Variants in KCNJ3 observed in about 807,000 individuals in gnomAD.
KCNJ3 encodes potassium inwardly rectifying channel subfamily J member 3.
A neutral mutation model predicts 39.2 loss-of-function variants in KCNJ3; 4 were observed. The ratio of observed to expected loss-of-function variants is 0.10; its 90% CI spans 0.05 to 0.23. The LOEUF is 0.23. Ranked by LOEUF, KCNJ3 falls within the 10% of genes least tolerant of loss-of-function variation. The pLI is 1.00. For missense variants in KCNJ3, 276 were observed against 634.9 expected (o/e 0.43, Z 6.08); for synonymous variants, 230 against 237.4 (o/e 0.97, Z 0.29).
chr2:154,708,892 T>C (rs1685057634), intron 1 of KCNJ3, among the ~76,000 whole-genome samples: 1 of 152,154 alleles, frequency 6.6e-6, no homozygotes, highest in Admixed American at 6.6e-5. Flanking sequence ...TTAAAGAAAG[T>C]TCAGTTTAGT....
chr2:154,801,482 TTTC>T (rs1686815795), intron 2 of KCNJ3, among the ~76,000 whole-genome samples: 1 of 44,696 alleles, frequency 2.2e-5, no homozygotes, highest in African/African-American at 5.2e-5. Flanking sequence ...CCCTCCCTCC[TTTC>T]TTTTCTTTTC....
intron 2 of KCNJ3, among the ~76,000 whole-genome samples, chr2:154,714,324 A>G (rs553502281): frequency 2.0e-5 from 3 of 151,594 alleles, no homozygotes; most frequent in Admixed American, 6.6e-5. Context: ...CAGACACATT[A>G]CATTTTCCCC....
At chr2:154,754,482 C>T (rs1351129651) in intron 2 of KCNJ3, among the ~76,000 whole-genome samples, 1 of 152,172 alleles carries the variant, frequency 6.6e-6, no homozygotes, top group Non-Finnish European at 1.5e-5. Context: ...ACTGTGTTGG[C>T]CAGGCTGGTC....
chr2:154,843,369 A>G (rs977225764), intron 2 of KCNJ3, among the ~76,000 whole-genome samples: 3 of 151,982 alleles, frequency 2.0e-5, no homozygotes, highest in Non-Finnish European at 4.4e-5. Flanking sequence ...TGCCCTTAAC[A>G]CTTTTTCCTT....
At chr2:154,773,103 C>A (rs1686270996) in intron 2 of KCNJ3, among the ~76,000 whole-genome samples, 1 of 151,864 alleles carries the variant, frequency 6.6e-6, no homozygotes, top group African/African-American at 2.4e-5. Flanking sequence ...AAAAAGAAAC[C>A]TTTGGTGAAA....
chr2:154,831,653 A>C (rs761785548), intron 2 of KCNJ3, among the ~76,000 whole-genome samples: 7 of 152,174 alleles, frequency 4.6e-5, no homozygotes, highest in Admixed American at 4.6e-4. Context: ...TTCTGCTCTC[A>C]GTGTTCATAA....
chr2:154,844,781 G>A (rs1245175253), intron 2 of KCNJ3, among the ~76,000 whole-genome samples: 2 of 152,318 alleles, frequency 1.3e-5, no homozygotes, highest in South Asian at 4.1e-4. Flanking sequence ...TACCTTGTCT[G>A]CTGGTTGCTA....
intron 2 of KCNJ3, among the ~76,000 whole-genome samples, chr2:154,788,075 A>G (rs982037471): frequency 1.3e-5 from 2 of 152,152 alleles, no homozygotes; most frequent in African/African-American, 4.8e-5. Context: ...AAAATGCATG[A>G]AAACTGAGCT....
In KCNJ3 at chr2:154,699,605, G is replaced by GGGGGGTT; in HGVS notation, c.702+138_702+144dup. On this transcript the variant is annotated intron_variant, in intron 1 of 2. Coordinates refer to ENST00000295101, the MANE Select transcript of KCNJ3 (RefSeq NM_002239.4). The surrounding 1 kb of genome is among the most constrained non-coding windows in gnomAD (Gnocchi z 6.4). ...TATAGCCACAGGTAAACTTCCTTTT[G>GGGGGGTT]GGGGGTTGGGGGTTGGAGGACTGGG... The GGGGGGTT allele has an allele frequency of 7.2e-7, 1 of 1,389,582 alleles. No individual in the cohort carries two copies. The allele number at this position is 1,389,582 out of a possible 1,614,324, so 86.1% of individuals were successfully genotyped here.
intron 2 of KCNJ3, among the ~76,000 whole-genome samples, chr2:154,780,006 A>G (rs1686406829): frequency 6.6e-6 from 1 of 152,206 alleles, no homozygotes; most frequent in Non-Finnish European, 1.5e-5. Flanking sequence ...AAGGACATAC[A>G]TTCAAGAGTA....
chr2:154,734,526 A>G (rs924430991), intron 2 of KCNJ3, among the ~76,000 whole-genome samples: 3 of 152,208 alleles, frequency 2.0e-5, no homozygotes, highest in African/African-American at 7.2e-5. Context: ...CAAAGACCCT[A>G]TATGTGTCCT....
intron 2 of KCNJ3, among the ~76,000 whole-genome samples, chr2:154,739,530 CCTT>C (rs1685608589): frequency 6.6e-6 from 1 of 152,076 alleles, no homozygotes; most frequent in African/African-American, 2.4e-5. Flanking sequence ...GACCATCCAT[CCTT>C]CTTCACCTTC....
chr2:154,751,500 T>C (rs899341322), intron 2 of KCNJ3, among the ~76,000 whole-genome samples: 3 of 152,092 alleles, frequency 2.0e-5, no homozygotes, highest in Non-Finnish European at 4.4e-5. Context: ...TCCTATATGA[T>C]CTGCATCCAT....
intron 1 of KCNJ3, among the ~76,000 whole-genome samples, chr2:154,701,494 A>G (rs1684896112): frequency 6.6e-6 from 1 of 152,088 alleles, no homozygotes; most frequent in South Asian, 2.1e-4. Context: ...TTTTCTTCAT[A>G]CAAAGGTACA....
intron 2 of KCNJ3, among the ~76,000 whole-genome samples, chr2:154,822,055 C>T (rs562696297): frequency 6.6e-6 from 1 of 152,164 alleles, no homozygotes; most frequent in South Asian, 2.1e-4. Context: ...TGTTACTGTT[C>T]ACTACCTATA....
intron 2 of KCNJ3, among the ~76,000 whole-genome samples, chr2:154,771,154 G>T (rs1257513624): frequency 6.6e-6 from 1 of 152,072 alleles, no homozygotes; most frequent in Non-Finnish European, 1.5e-5. Flanking sequence ...GCCTCCCAGA[G>T]TGCTGAGATT....
chr2:154,784,244 T>C (rs1444901741), intron 2 of KCNJ3, among the ~76,000 whole-genome samples: 1 of 152,254 alleles, frequency 6.6e-6, no homozygotes, highest in Non-Finnish European at 1.5e-5. Flanking sequence ...AAAATTTAGA[T>C]TTAGCTTATC....
chr2:154,817,748 G>C (rs947295631), intron 2 of KCNJ3, among the ~76,000 whole-genome samples: 1 of 152,074 alleles, frequency 6.6e-6, no homozygotes, highest in African/African-American at 2.4e-5. Flanking sequence ...TTCATTGTTA[G>C]GAAGTGCTTC....
intron 2 of KCNJ3, among the ~76,000 whole-genome samples, chr2:154,711,002 C>A (rs537017694): frequency 6.6e-6 from 1 of 152,034 alleles, no homozygotes; most frequent in African/African-American, 2.4e-5. Flanking sequence ...CACCTCAAAG[C>A]TGCTTGTAGT....
Sources: gnomAD v4.1 joint callset for allele counts (sites outside exome capture counted in the v4.1 genomes callset) on GRCh38, gnomAD v4.1.1 for gene constraint, Gnocchi (gnomAD v3.1) non-coding constraint, MANE v1.5 for transcripts, NCBI Gene and HGNC (gene_info 2026-07-23, HGNC 2026-07-21) for gene names.